Variants in COL24A1 observed in about 807,000 individuals in gnomAD.
COL24A1 encodes the protein collagen alpha-1(XXIV) chain.
COL24A1 carries 224 observed loss-of-function variants against 253.9 expected under a neutral mutation model. The observed-to-expected ratio is 0.88, with a 90% CI of 0.79 to 0.99. The LOEUF (loss-of-function observed/expected upper bound fraction) is 0.99. COL24A1 is among the 50% of genes least tolerant of loss of function. COL24A1 has a pLI of 0.00. For synonymous variants in COL24A1, 685 were observed against 673.7 expected (o/e 1.02, Z -0.26); for missense variants, 2,131 against 2,068.5 (o/e 1.03, Z -0.59).
At chr1:85,906,743 C>A (rs564421795) in intron 28 of COL24A1, among the ~76,000 whole-genome samples, 1 of 152,000 alleles carries the variant, frequency 6.6e-6, no homozygotes, top group South Asian at 2.1e-4. Context: ...GATTATTAGA[C>A]AATGATGATT....
At chr1:85,737,356 T>G in intron 58 of COL24A1, 40 bp downstream of exon 58, 2 of 1,241,146 alleles carry the variant, frequency 1.6e-6, no homozygotes, top group Non-Finnish European at 2.3e-6. Context: ...ACTGATACTG[T>G]GCAATATAAC....
chr1:85,775,709 C>T lies in COL24A1; in HGVS notation c.4339G>A (p.Gly1447Arg), dbSNP rs754761164. Reference sequence around the variant, plus strand: ...CTAAAGCCCTTTTCACCTCTGGGTCCCTAAAAGAAAAAAAAAAGATGTTAG... The same window carrying T: ...CTAAAGCCCTTTTCACCTCTGGGTCTCTAAAAGAAAAAAAAAAGATGTTAG... ...EGIIGPTGRT[G>R]PRGEKGFRGE... The change falls in exon 53 of 60, where the codon GGA becomes AGA. Residue 1447 changes from glycine to arginine, a missense_variant and splice_region_variant. Physicochemically the swap from Gly to Arg is moderately radical, Grantham distance 125. Coordinates refer to ENST00000370571, the MANE Select transcript of COL24A1 (RefSeq NM_152890.7). The T allele has an allele frequency of 6.3e-7, 1 of 1,599,296 alleles. No individual in the cohort carries two copies. Among genetic ancestry groups the T allele is most frequent in the East Asian group, 2.2e-5 (1 of 44,654 alleles).
chr1:86,066,641 C>T (rs1701513384), intron 7 of COL24A1, among the ~76,000 whole-genome samples: 1 of 152,108 alleles, frequency 6.6e-6, no homozygotes, highest in South Asian at 2.1e-4. Context: ...ACAGATCAAG[C>T]CATCTTGATC....
At chr1:85,986,834 T>G (rs913509336) in intron 20 of COL24A1, among the ~76,000 whole-genome samples, 1 of 151,868 alleles carries the variant, frequency 6.6e-6, no homozygotes, top group Non-Finnish European at 1.5e-5. Flanking sequence ...CAGCTACATT[T>G]CATAACTTGC....
chr1:86,136,916 G>T (rs563871477), intron 2 of COL24A1, among the ~76,000 whole-genome samples: 9 of 152,054 alleles, frequency 5.9e-5, no homozygotes, highest in South Asian at 4.2e-4. Flanking sequence ...GTTTGAGCAA[G>T]ATCTTAAGAG....
At chr1:85,903,969 C>T (rs1316352476) in intron 28 of COL24A1, among the ~76,000 whole-genome samples, 1 of 152,140 alleles carries the variant, frequency 6.6e-6, no homozygotes, top group East Asian at 1.9e-4. Context: ...TCTGCCTTAT[C>T]ATTTGGAGTG....
chr1:86,053,911 C>T (rs906902299), intron 10 of COL24A1, among the ~76,000 whole-genome samples: 3 of 151,994 alleles, frequency 2.0e-5, no homozygotes, highest in Admixed American at 1.3e-4. Context: ...AACATGTATC[C>T]TATGAGTGTG....
intron 7 of COL24A1, among the ~76,000 whole-genome samples, chr1:86,074,896 A>G (rs1321707549): frequency 1.3e-5 from 2 of 152,208 alleles, no homozygotes; most frequent in African/African-American, 4.8e-5. Flanking sequence ...GAGCACAGTT[A>G]AGCAGTGTTT....
At chr1:85,890,307 T>C (rs938673622) in intron 31 of COL24A1, among the ~76,000 whole-genome samples, 1 of 152,210 alleles carries the variant, frequency 6.6e-6, no homozygotes, top group African/African-American at 2.4e-5. Context: ...TTTAACTTCT[T>C]GACAAACCAC....
At chr1:85,943,501 A>G (rs1352958545) in intron 24 of COL24A1, among the ~76,000 whole-genome samples, 2 of 152,250 alleles carry the variant, frequency 1.3e-5, no homozygotes, top group Non-Finnish European at 2.9e-5. Flanking sequence ...AACACAATGA[A>G]AGAGATCTGT....
chr1:85,962,978 T>C (rs1396182134), intron 23 of COL24A1, among the ~76,000 whole-genome samples: 1 of 152,086 alleles, frequency 6.6e-6, no homozygotes, highest in Non-Finnish European at 1.5e-5. Flanking sequence ...ATAGAAAACA[T>C]CTCATTAATA....
In COL24A1 at chr1:85,833,051, C is replaced by G. The variant is rs1387301793; in HGVS notation, c.3681+5534G>C. Among the ~76,000 whole-genome samples the G allele has an allele frequency of 1.2e-4, 19 of 152,002 alleles. No individual in the cohort carries two copies. The East Asian group carries it at 3.7e-3, about 29-fold the overall frequency. ...CAGTTTTTGCCCATTCAGTATGATA[C>G]TGGCTGTGGGTTTGTCATAGATAGC... On this transcript the variant is annotated intron_variant, in intron 43 of 59. Transcript: ENST00000370571.
intron 8 of COL24A1, among the ~76,000 whole-genome samples, chr1:86,061,122 A>T (rs1701057063): frequency 6.6e-6 from 1 of 152,024 alleles, no homozygotes; most frequent in South Asian, 2.1e-4. Flanking sequence ...TTAAATCAGC[A>T]AGTCTAATTC....
chr1:85,777,210 A>G (rs1234338028), intron 52 of COL24A1, among the ~76,000 whole-genome samples: 1 of 152,092 alleles, frequency 6.6e-6, no homozygotes, highest in Non-Finnish European at 1.5e-5. Flanking sequence ...AGCCTCCCAA[A>G]GTGCTGAGAT....
intron 45 of COL24A1, among the ~76,000 whole-genome samples, chr1:85,823,298 A>G (rs1385095799): frequency 1.3e-5 from 2 of 152,156 alleles, no homozygotes; most frequent in African/African-American, 2.4e-5. Flanking sequence ...AATTTTCACA[A>G]AGCTAGAATA....
intron 20 of COL24A1, among the ~76,000 whole-genome samples, chr1:85,975,429 C>T (rs1412002846): frequency 6.6e-6 from 1 of 151,998 alleles, no homozygotes; most frequent in East Asian, 1.9e-4. Context: ...AATATTATTC[C>T]ACCATAAGAA....
intron 53 of COL24A1, among the ~76,000 whole-genome samples, chr1:85,773,035 T>C (rs1668144732): frequency 6.6e-6 from 1 of 152,148 alleles, no homozygotes; most frequent in Non-Finnish European, 1.5e-5. Context: ...CCATCTTGAG[T>C]GGATTTTTGT....
intron 47 of COL24A1, among the ~76,000 whole-genome samples, chr1:85,806,454 T>C (rs1035838429): frequency 2.6e-5 from 4 of 152,226 alleles, no homozygotes. Flanking sequence ...GCAGGCCATA[T>C]GGTCTCTGTG....
chr1:85,816,298 G>A (rs1673031908), intron 47 of COL24A1, among the ~76,000 whole-genome samples: 1 of 152,196 alleles, frequency 6.6e-6, no homozygotes, highest in South Asian at 2.1e-4. Flanking sequence ...CATCAGAAGA[G>A]AGACAGCTGA....
Sources: gnomAD v4.1 joint callset for allele counts (sites outside exome capture counted in the v4.1 genomes callset) on GRCh38, gnomAD v4.1.1 for gene constraint, MANE v1.5 for transcripts, NCBI Gene and HGNC (gene_info 2026-07-23, HGNC 2026-07-21) for gene names.